The following FAM53B variants were observed in gnomAD, a reference collection of about 807,000 sequenced individuals.
FAM53B encodes the protein protein FAM53B.
In FAM53B, 12 loss-of-function variants were observed where a neutral mutation model predicts 32.7. The ratio of observed to expected loss-of-function variants is 0.37; its 90% CI spans 0.24 to 0.59. The LOEUF (loss-of-function observed/expected upper bound fraction) is 0.59, where lower values mean the gene tolerates loss of function less well. Among genes scored for constraint, FAM53B ranks in the 20% least tolerant of loss-of-function variants. FAM53B has a pLI of 0.72. For missense variants in FAM53B, 477 were observed against 577.7 expected, an observed-to-expected ratio of 0.83 and a Z score of 1.79; for synonymous variants, 234 against 228.7, an observed-to-expected ratio of 1.02 and a Z score of -0.21.
At chr10:124,649,831 T>C (rs1024030052) in intron 4 of FAM53B, among the ~76,000 whole-genome samples, 1 of 152,104 alleles carries the variant, frequency 6.6e-6, no homozygotes, top group Non-Finnish European at 1.5e-5. Context: ...CAAATATACG[T>C]AAGTCCCCAT....
chr10:124,681,860 A>G lies in FAM53B; in HGVS notation c.653T>C (p.Val218Ala). 1 of 1,613,278 alleles carries G rather than the reference A, an allele frequency of 6.2e-7. No homozygotes were observed. Among genetic ancestry groups the G allele is most frequent in the Non-Finnish European group, 8.5e-7 (1 of 1,179,678 alleles). Reference sequence around the variant, plus strand: ...CTGCAGGTCCAGCCGGCCTCCTCCCACGGGGTGCAGGTCAGGGCTCCAGGT... The same window carrying G: ...CTGCAGGTCCAGCCGGCCTCCTCCCGCGGGGTGCAGGTCAGGGCTCCAGGT... The part of the protein sequence containing the change: ...GDTWSPDLHP[V>A]GGGRLDLQRS... The change falls in exon 4 of 5, where the codon GTG becomes GCG. Residue 218 changes from valine (V) to alanine (A), a missense_variant. Physicochemically the swap from Val to Ala is moderately conservative, Grantham distance 64. Around this residue, in one of 2 missense-constraint regions of FAM53B, gnomAD observed 312 missense variants for 420.2 expected, o/e 0.74. Transcript: ENST00000337318.
At chr10:124,725,316 GTC>G (rs1950094762) in intron 1 of FAM53B, among the ~76,000 whole-genome samples, 1 of 152,214 alleles carries the variant, frequency 6.6e-6, no homozygotes. Context: ...GGGTCCCAGG[GTC>G]TCTCACCTCC....
At chr10:124,650,559 A>G (rs1949549852) in intron 4 of FAM53B, among the ~76,000 whole-genome samples, 1 of 152,158 alleles carries the variant, frequency 6.6e-6, no homozygotes, top group South Asian at 2.1e-4. Flanking sequence ...GAGGCAAGTT[A>G]TTCTTCTCAT....
chr10:124,638,374 AAAAAC>A (rs3837354), intron 4 of FAM53B, among the ~76,000 whole-genome samples: 10 of 151,406 alleles, frequency 6.6e-5, no homozygotes, highest in South Asian at 4.2e-4. Flanking sequence ...ACTCCACCTC[AAAAAC>A]AAAACAAAAC....
chr10:124,628,699 C>G (rs1219508622), intron 4 of FAM53B, among the ~76,000 whole-genome samples: 2 of 152,208 alleles, frequency 1.3e-5, no homozygotes, highest in Non-Finnish European at 2.9e-5. Flanking sequence ...CTGCCCCTTC[C>G]GGAACTACTC....
chr10:124,686,032 G>A (rs1949800408), intron 3 of FAM53B, among the ~76,000 whole-genome samples: 1 of 152,138 alleles, frequency 6.6e-6, no homozygotes, highest in Admixed American at 6.5e-5. Flanking sequence ...CTACGACAGT[G>A]GAGGTCAGAA....
At chr10:124,654,928 C>A (rs1427153403) in intron 4 of FAM53B, among the ~76,000 whole-genome samples, 3 of 152,234 alleles carry the variant, frequency 2.0e-5, no homozygotes, top group African/African-American at 7.2e-5. Flanking sequence ...GAAAGCAAGA[C>A]AGGCAGGAAA....
At chr10:124,629,586 G>A (rs1949378098) in intron 4 of FAM53B, among the ~76,000 whole-genome samples, 1 of 152,120 alleles carries the variant, frequency 6.6e-6, no homozygotes, top group Non-Finnish European at 1.5e-5. Context: ...TGGCTGAGTG[G>A]ACGCATTTCC....
chr10:124,694,352 C>T (rs1949854425), intron 3 of FAM53B, among the ~76,000 whole-genome samples: 1 of 152,262 alleles, frequency 6.6e-6, no homozygotes, highest in East Asian at 1.9e-4. Context: ...CTCCGATAGA[C>T]TCTCCTGGGC....
chr10:124,672,676 C>G (rs1453852340), intron 4 of FAM53B, among the ~76,000 whole-genome samples: 1 of 152,208 alleles, frequency 6.6e-6, no homozygotes, highest in Non-Finnish European at 1.5e-5. Context: ...GTTCAGAATG[C>G]GCAGCCACTT....
intron 4 of FAM53B, among the ~76,000 whole-genome samples, chr10:124,676,631 C>T (rs1949738257): frequency 6.6e-6 from 1 of 152,164 alleles, no homozygotes; most frequent in South Asian, 2.1e-4. Flanking sequence ...GGGGGCTTCA[C>T]CTGGGGAGGA....
chr10:124,665,980 G>T (rs1008915946), intron 4 of FAM53B, among the ~76,000 whole-genome samples: 2 of 152,214 alleles, frequency 1.3e-5, no homozygotes, highest in Non-Finnish European at 2.9e-5. Context: ...TGCAGGTAAG[G>T]ATGGGGTCTT....
chr10:124,668,721 G>A (rs942624203), intron 4 of FAM53B, among the ~76,000 whole-genome samples: 3 of 152,268 alleles, frequency 2.0e-5, no homozygotes, highest in African/African-American at 7.2e-5. Context: ...AGGCAAGAGG[G>A]GACCTCATGG....
At chr10:124,649,402 G>A (rs1306135902) in intron 4 of FAM53B, among the ~76,000 whole-genome samples, 1 of 152,222 alleles carries the variant, frequency 6.6e-6, no homozygotes. Flanking sequence ...GGGTAGAGAG[G>A]GTGCTACAGG....
At chr10:124,660,007 A>G (rs1949618805) in intron 4 of FAM53B, among the ~76,000 whole-genome samples, 1 of 152,200 alleles carries the variant, frequency 6.6e-6, no homozygotes, top group South Asian at 2.1e-4. Flanking sequence ...GGGTTTTGCC[A>G]TGTTGGCCAG....
At chr10:124,687,036 ATTGT>A (rs1372524305) in intron 3 of FAM53B, among the ~76,000 whole-genome samples, 3 of 152,230 alleles carry the variant, frequency 2.0e-5, no homozygotes, top group Admixed American at 2.0e-4. Context: ...TAATATTGTA[ATTGT>A]TTCTATCTTT....
intron 1 of FAM53B, among the ~76,000 whole-genome samples, chr10:124,721,932 C>T (rs531093640): frequency 2.6e-5 from 4 of 152,170 alleles, no homozygotes; most frequent in South Asian, 2.1e-4. Flanking sequence ...ATGCAAAGGA[C>T]GAAACGCAGC....
intron 1 of FAM53B, among the ~76,000 whole-genome samples, chr10:124,724,083 A>G (rs1200247626): frequency 1.3e-5 from 2 of 152,198 alleles, no homozygotes; most frequent in African/African-American, 2.4e-5. Flanking sequence ...GGTTTCCCAC[A>G]AGGCATAGTG....
intron 1 of FAM53B, among the ~76,000 whole-genome samples, chr10:124,715,838 G>A (rs1312683034): frequency 3.3e-5 from 5 of 152,218 alleles, no homozygotes; most frequent in Non-Finnish European, 4.4e-5. Flanking sequence ...AGGAGGTAAC[G>A]CCCTGTAGGT....
Sources: allele counts gnomAD v4.1 joint callset (sites outside exome capture counted in the v4.1 genomes callset), GRCh38; gene constraint gnomAD v4.1.1; regional missense constraint gnomAD v4.1.1; transcripts MANE v1.5; gene names NCBI Gene and HGNC (gene_info 2026-07-23, HGNC 2026-07-21).